CACNB2: variants seen among roughly 807,000 people sequenced by gnomAD.
CACNB2 encodes calcium voltage-gated channel auxiliary subunit beta 2.
Under a neutral mutation model 73.3 loss-of-function variants are expected in CACNB2, and 42 were observed. The observed-to-expected ratio is 0.57, with a 90% confidence interval of 0.45 to 0.74. The LOEUF (loss-of-function observed/expected upper bound fraction) is 0.74. CACNB2 is among the 30% of genes least tolerant of loss of function. The pLI is 0.00. For missense variants in CACNB2, 940 were observed against 853.0 expected (o/e 1.10, Z -1.27); for synonymous variants, 348 against 310.3 (o/e 1.12, Z -1.28).
At chr10:18,531,682 T>G (rs2053043883) in intron 10 of CACNB2, among the ~76,000 whole-genome samples, 2 of 152,176 alleles carry the variant, frequency 1.3e-5, no homozygotes, top group African/African-American at 4.8e-5. Flanking sequence ...CTGTTATTTT[T>G]TGACTTTTTA....
chr10:18,504,358 C>T lies in CACNB2; in HGVS notation c.594-2113C>T, dbSNP rs184501093. Among the ~76,000 whole-genome samples the T allele has an allele frequency of 1.2e-4, 19 of 152,288 alleles. No individual in the cohort carries two copies. In the East Asian group the frequency reaches 3.7e-3, roughly 29 times the overall value. On this transcript the variant is annotated intron_variant, in intron 5 of 13. Coordinates refer to ENST00000324631, the MANE Select transcript of CACNB2 (RefSeq NM_201596.3). ...TGCAGATTAAGGAGCCAGGTCTTGC[C>T]TGGCACAGCAAGCCCAGGACAGATG...
chr10:18,383,544 G>A (rs1277464546), intron 2 of CACNB2, among the ~76,000 whole-genome samples: 2 of 152,190 alleles, frequency 1.3e-5, no homozygotes, highest in African/African-American at 4.8e-5. Context: ...GCTAGGTCTT[G>A]GGGATTCAGC....
At chr10:18,405,827 G>A (rs1335325409) in intron 3 of CACNB2, among the ~76,000 whole-genome samples, 2 of 152,044 alleles carry the variant, frequency 1.3e-5, no homozygotes, top group Non-Finnish European at 2.9e-5. Context: ...GTTTGGTGGT[G>A]TATGCCTGTA....
At chr10:18,465,803 TC>T (rs1564580448) in intron 3 of CACNB2, among the ~76,000 whole-genome samples, 1 of 151,460 alleles carries the variant, frequency 6.6e-6, no homozygotes. Flanking sequence ...TGCCTCAGCC[TC>T]CCGAGTAGCT....
intron 2 of CACNB2, among the ~76,000 whole-genome samples, chr10:18,182,383 G>A (rs768790921): frequency 9.2e-5 from 14 of 151,914 alleles, no homozygotes; most frequent in East Asian, 3.9e-4. Context: ...ATATAAAAAC[G>A]TAGGTAACAT....
At chr10:18,256,939 C>T (rs1286649938) in intron 2 of CACNB2, 1 of 152,178 alleles carries the variant, frequency 6.6e-6, no homozygotes, top group Non-Finnish European at 1.5e-5. Flanking sequence ...GACACAGACC[C>T]TGTCTCAAAA....
At chr10:18,532,676 C>CAAAAAA (rs1219587375) in intron 10 of CACNB2, among the ~76,000 whole-genome samples, 58 of 92,508 alleles carry the variant, frequency 6.3e-4, no homozygotes, top group Non-Finnish European at 8.4e-4. Flanking sequence ...GACTCTGTCT[C>CAAAAAA]AAAAAAAAAA....
intron 3 of CACNB2, among the ~76,000 whole-genome samples, chr10:18,433,249 C>T (rs2045976465): frequency 1.3e-5 from 2 of 152,114 alleles, no homozygotes; most frequent in South Asian, 4.2e-4. Context: ...GGCATATTCC[C>T]AAGAGCAGGA....
chr10:18,266,951 T>C (rs2037834212), intron 2 of CACNB2, among the ~76,000 whole-genome samples: 1 of 152,164 alleles, frequency 6.6e-6, no homozygotes, highest in South Asian at 2.1e-4. Flanking sequence ...ATTTGCACAG[T>C]AAATGATTTT....
intron 2 of CACNB2, among the ~76,000 whole-genome samples, chr10:18,188,798 G>C (rs1409718364): frequency 1.3e-5 from 2 of 151,950 alleles, no homozygotes; most frequent in African/African-American, 4.8e-5. Context: ...TGTCTACTTA[G>C]TATAGAAAAA....
chr10:18,523,299 A>C (rs2052109179), intron 9 of CACNB2, among the ~76,000 whole-genome samples: 1 of 152,240 alleles, frequency 6.6e-6, no homozygotes, highest in Admixed American at 6.5e-5. Context: ...CCTAAATGCC[A>C]AAGATGGGGA....
At chr10:18,203,737 C>G (rs1028051110) in intron 2 of CACNB2, among the ~76,000 whole-genome samples, 1 of 152,112 alleles carries the variant, frequency 6.6e-6, no homozygotes, top group Non-Finnish European at 1.5e-5. Flanking sequence ...TGTAATTTCC[C>G]TCTGCTTTTT....
At chr10:18,381,822 C>T (rs2043031681) in intron 2 of CACNB2, among the ~76,000 whole-genome samples, 1 of 151,964 alleles carries the variant, frequency 6.6e-6, no homozygotes, top group Admixed American at 6.5e-5. Context: ...GAAACAGGTC[C>T]TAAGAAATGC....
At chr10:18,265,616 A>G (rs1588887080) in intron 2 of CACNB2, among the ~76,000 whole-genome samples, 1 of 152,206 alleles carries the variant, frequency 6.6e-6, no homozygotes, top group South Asian at 2.1e-4. Context: ...ATGGAATCAG[A>G]CTTAGCCTGG....
intron 4 of CACNB2, among the ~76,000 whole-genome samples, chr10:18,500,360 G>T (rs1237407658): frequency 6.6e-6 from 1 of 152,154 alleles, no homozygotes; most frequent in Non-Finnish European, 1.5e-5. Context: ...AAAACTGTTT[G>T]CACAAAGGTA....
chr10:18,227,633 G>A (rs928552393), intron 2 of CACNB2, among the ~76,000 whole-genome samples: 9 of 152,144 alleles, frequency 5.9e-5, no homozygotes, highest in African/African-American at 1.9e-4. Flanking sequence ...TTGGGCGGCC[G>A]CAAGACAGGC....
intron 2 of CACNB2, among the ~76,000 whole-genome samples, chr10:18,310,269 G>A (rs2039906305): frequency 6.6e-6 from 1 of 151,982 alleles, no homozygotes; most frequent in African/African-American, 2.4e-5. Flanking sequence ...TAATAATTAG[G>A]TTTACTGTGT....
chr10:18,452,668 C>T (rs898997145), intron 3 of CACNB2, among the ~76,000 whole-genome samples: 1 of 152,170 alleles, frequency 6.6e-6, no homozygotes, highest in African/African-American at 2.4e-5. Flanking sequence ...CCTTGGCCTC[C>T]TGAGGAGCCA....
At chr10:18,398,803 A>G (rs1015350632) in intron 2 of CACNB2, among the ~76,000 whole-genome samples, 7 of 152,116 alleles carry the variant, frequency 4.6e-5, no homozygotes, top group African/African-American at 1.7e-4. Flanking sequence ...ACTACTCTAA[A>G]GATCAATTGG....
Sources: gnomAD v4.1 joint callset for allele counts (sites outside exome capture counted in the v4.1 genomes callset) on GRCh38, gnomAD v4.1.1 for gene constraint, MANE v1.5 for transcripts, NCBI Gene and HGNC (gene_info 2026-07-23, HGNC 2026-07-21) for gene names.